Variants in CRABP1 observed in about 807,000 individuals in gnomAD.
CRABP1 encodes the protein cellular retinoic acid-binding protein 1.
CRABP1 carries 9 observed loss-of-function variants against 16.4 expected under a neutral mutation model. The ratio of observed to expected loss-of-function variants is 0.55; its 90% CI spans 0.33 to 0.96. CRABP1 has a LOEUF of 0.96. CRABP1 is among the 40% of genes least tolerant of loss of function. The pLI is 0.03. For synonymous variants in CRABP1, 72 were observed against 70.4 expected (o/e 1.02, Z -0.11); for missense variants, 157 against 186.0 (o/e 0.84, Z 0.91).
At position 78,341,124 on chromosome 15, in the gene CRABP1, T is replaced by G; in HGVS notation, c.152T>G (p.Phe51Cys). ...GAGATCCGCCAGGACGGGGATCAGT[T>G]CTACATCAAGACATCCACCACGGTG... ...HVEIRQDGDQ[F>C]YIKTSTTVRT... The change falls in exon 2 of 4, where the codon TTC becomes TGC. Residue 51 changes from phenylalanine to cysteine, a missense_variant. Phe to Cys is a radical substitution (Grantham distance 205). Transcript: ENST00000299529. This position sits in a 1 kb window ranked among gnomAD's most constrained non-coding sequence, Gnocchi z 5.3. 6.2e-7 allele frequency: 1 copy of G among 1,613,170 alleles called. No homozygotes were observed. The highest frequency in any genetic ancestry group is 1.3e-5 in the African/African-American group (1 of 75,002).
intron 2 of CRABP1, 94 bp from the exon 3 acceptor site, chr15:78,343,405 C>A: frequency 1.0e-6 from 1 of 961,012 alleles, no homozygotes; most frequent in Non-Finnish European, 1.6e-6. Flanking sequence ...TGTGTTGATT[C>A]TCTGCAGAGC....
chr15:78,343,385 A>T, intron 2 of CRABP1, 114 bp from the exon 3 acceptor site: 1 of 801,296 alleles, frequency 1.2e-6, no homozygotes, highest in Non-Finnish European at 2.0e-6. Context: ...TGGCCTGCTG[A>T]CAGGGACCAT....
chr15:78,344,738 C>A (rs1373277720), intron 3 of CRABP1, among the ~76,000 whole-genome samples: 10 of 137,490 alleles, frequency 7.3e-5, no homozygotes, highest in African/African-American at 2.5e-4. Flanking sequence ...ATAGTGAGAC[C>A]CCTATCTCTA....
rs563008279 is a variant in CRABP1, at chr15:78,348,092, C to G, written c.*115C>G. Reference sequence around the variant, plus strand: ...TTCCCCTACCAATATTAGGTGATCCCGTTTTCCCCATGACAATGTTGTAGT... The same window carrying G: ...TTCCCCTACCAATATTAGGTGATCCGGTTTTCCCCATGACAATGTTGTAGT... On this transcript the variant is annotated 3_prime_UTR_variant, in exon 4 of 4. Transcript: ENST00000299529. The G allele has an allele frequency of 4.1e-6, 4 of 985,592 alleles. No individual in the cohort carries two copies. The highest frequency in any genetic ancestry group is 4.7e-6 in the Non-Finnish European group (3 of 642,958). The allele number at this position is 985,592 out of a possible 1,614,324, so 61.1% of individuals were successfully genotyped here. A position where few individuals can be genotyped will look rare whatever the true frequency, so the allele number is the denominator to read the frequency against.
At chr15:78,340,716 T>C in intron 1 of CRABP1, 3 of 613,286 alleles carry the variant, frequency 4.9e-6, no homozygotes, top group Non-Finnish European at 8.5e-6. Flanking sequence ...TTGCTGAATG[T>C]TTGGCGCCCT....
At chr15:78,342,704 G>A (rs537660627) in intron 2 of CRABP1, among the ~76,000 whole-genome samples, 1 of 152,308 alleles carries the variant, frequency 6.6e-6, no homozygotes, top group African/African-American at 2.4e-5. Flanking sequence ...CAAAGACACC[G>A]AGGTTTATCA....
At chr15:78,344,928 CA>C (rs545403305) in intron 3 of CRABP1, among the ~76,000 whole-genome samples, 20 of 132,364 alleles carry the variant, frequency 1.5e-4, no homozygotes, top group Admixed American at 2.9e-4. Context: ...AAATTAAAAA[CA>C]AAAAAAAAAA....
Position 78,343,514 on chromosome 15 carries a change from G to A in CRABP1, c.265G>A (p.Glu89Lys), listed in dbSNP as rs777192047. 8 of 1,614,038 alleles carry A rather than the reference G, an allele frequency of 5.0e-6. No individual in the cohort carries two copies. Among genetic ancestry groups the A allele is most frequent in the East Asian group, 2.2e-5 (1 of 44,886 alleles). The change falls in exon 3 of 4, where the codon GAG (glutamate) becomes AAG (lysine). Residue 89 changes from glutamate (E) to lysine (K), a missense_variant. By Grantham distance (56) the Glu-to-Lys change is moderately conservative. Coordinates refer to ENST00000299529, the MANE Select transcript of CRABP1 (RefSeq NM_004378.3). The stretch of plus-strand genomic sequence containing the variant: ...CCGCCTGCAGAGTTTAGCCACTTGG[G>A]AGAATGAGAACAAGATCCACTGCAC... ...GRKCRSLATW[E>K]NENKIHCTQT...
chr15:78,345,823 A>G (rs186297628), intron 3 of CRABP1, among the ~76,000 whole-genome samples: 83 of 152,334 alleles, frequency 5.4e-4, no homozygotes, highest in African/African-American at 1.9e-3. Flanking sequence ...TAAAACGCAG[A>G]GAGATGCAGT....
intron 3 of CRABP1, among the ~76,000 whole-genome samples, chr15:78,346,650 C>T (rs1452106975): frequency 6.6e-6 from 1 of 152,182 alleles, no homozygotes; most frequent in Admixed American, 6.5e-5. Context: ...GCCTGGGTGA[C>T]AGAGTAAGGC....
Position 78,346,301 on chromosome 15 carries a change from A to G in CRABP1, c.364-1626A>G, listed in dbSNP as rs149520364. ...GCAGAATCACCTGCATTTCTTCCCA[A>G]TAGAGAAGAGGCTAGGACAAAGGTG... is the stretch of plus-strand genomic sequence containing the variant. On this transcript the variant is annotated intron_variant, in intron 3 of 3. Coordinates refer to ENST00000299529, the MANE Select transcript of CRABP1 (RefSeq NM_004378.3). 2.8e-3 allele frequency among the ~76,000 whole-genome samples: 424 copies of G among 152,304 alleles called. 3 individuals are homozygous for G. Among genetic ancestry groups the G allele is most frequent in the African/African-American group, 9.7e-3 (403 of 41,564 alleles).
chr15:78,347,714 A>G, intron 3 of CRABP1: 2 of 529,668 alleles, frequency 3.8e-6, no homozygotes, highest in Admixed American at 7.5e-5. Flanking sequence ...ATGGTATATA[A>G]CATAATTCTA....
chr15:78,343,560 A>T lies in CRABP1; in HGVS notation c.311A>T (p.Asp104Val). 6.2e-7 allele frequency: 1 copy of T among 1,614,144 alleles called. No individual in the cohort carries two copies. Among genetic ancestry groups the T allele is most frequent in the Non-Finnish European group, 8.5e-7 (1 of 1,180,032 alleles). ...IHCTQTLLEG[D>V]GPKTYWTREL... is the part of the protein sequence containing the mutation. ...TGCACGCAAACTCTTCTTGAAGGGGACGGCCCCAAAACCTACTGGACCCGT... is the reference window on the plus strand; with the variant it reads ...TGCACGCAAACTCTTCTTGAAGGGGTCGGCCCCAAAACCTACTGGACCCGT... Residue 104 changes from aspartate to valine, a missense_variant, in exon 3 of 4, where the codon GAC (aspartate) becomes GTC (valine). Transcript: ENST00000299529.
In CRABP1 at chr15:78,347,808, T is replaced by G. The variant is rs2050274761; in HGVS notation, c.364-119T>G. 1.5e-5 allele frequency: 14 copies of G among 917,256 alleles called. No homozygotes were observed. The South Asian group carries it at 2.0e-4, about 13-fold the overall frequency. The allele number at this position is 917,256 out of a possible 1,614,324, so 56.8% of individuals were successfully genotyped here. On this transcript the variant is annotated intron_variant, in intron 3 of 3. Transcript: ENST00000299529. ...TAGCCTGAGCACACACACAGGAAAT[T>G]GAATGTCTGTTACAAAGAGTTTTTA... is the stretch of plus-strand genomic sequence containing the variant.
At chr15:78,340,966 G>T in intron 1 of CRABP1, 77 bp from the exon 2 acceptor site, 1 of 1,447,258 alleles carries the variant, frequency 6.9e-7, no homozygotes, top group Non-Finnish European at 9.3e-7. Context: ...CTAAAGTTAG[G>T]GTATGACCAG....
chr15:78,346,233 G>A (rs1443379728), intron 3 of CRABP1, among the ~76,000 whole-genome samples: 2 of 152,112 alleles, frequency 1.3e-5, no homozygotes, highest in Non-Finnish European at 2.9e-5. Flanking sequence ...CATCTGCGAG[G>A]TAGACTTACG....
intron 3 of CRABP1, among the ~76,000 whole-genome samples, chr15:78,347,096 T>G (rs1462806841): frequency 6.6e-6 from 1 of 152,056 alleles, no homozygotes; most frequent in East Asian, 1.9e-4. Context: ...GGGGGAAAGT[T>G]GAGACAGTTT....
intron 1 of CRABP1, 175 bp from the exon 2 acceptor site, chr15:78,340,868 G>A: frequency 1.4e-6 from 1 of 701,724 alleles, no homozygotes; most frequent in Non-Finnish European, 2.3e-6. Flanking sequence ...CTCGAGGAAA[G>A]TCACTTACCC....
chr15:78,343,691 C>T (rs2050248589), intron 3 of CRABP1, 79 bp downstream of exon 3: 2 of 993,266 alleles, frequency 2.0e-6, no homozygotes, highest in African/African-American at 1.6e-5. Flanking sequence ...ATATGTCCTC[C>T]TCACTCGGCC....
Sources: allele counts gnomAD v4.1 joint callset (sites outside exome capture counted in the v4.1 genomes callset), GRCh38; gene constraint gnomAD v4.1.1; non-coding constraint Gnocchi (gnomAD v3.1); transcripts MANE v1.5; gene names NCBI Gene and HGNC (gene_info 2026-07-23, HGNC 2026-07-21).